The following IDE variants were observed in gnomAD, a reference collection of about 807,000 sequenced individuals.
IDE encodes the protein insulin degrading enzyme, also known as insulin-degrading enzyme.
A neutral mutation model predicts 133.2 loss-of-function variants in IDE; 58 were observed. That is an observed-to-expected ratio of 0.44 (90% confidence interval 0.35 to 0.54). The LOEUF (loss-of-function observed/expected upper bound fraction) is 0.54, where lower values mean the gene tolerates loss of function less well. Ranked by LOEUF, IDE falls within the 20% of genes least tolerant of loss-of-function variation. IDE has a pLI of 0.00. For missense variants in IDE, 981 were observed against 1,234.0 expected (o/e 0.79, Z 3.07); for synonymous variants, 396 against 421.3 (o/e 0.94, Z 0.73).
intron 4 of IDE, among the ~76,000 whole-genome samples, chr10:92,520,624 A>T (rs1233255455): frequency 6.6e-6 from 1 of 152,190 alleles, no homozygotes; most frequent in Non-Finnish European, 1.5e-5. Flanking sequence ...TGCTATAGCA[A>T]TCTTCTAAAA....
intron 1 of IDE, 122 bp downstream of exon 1, chr10:92,573,800 G>A (rs947740436): frequency 5.8e-6 from 4 of 691,056 alleles, no homozygotes; most frequent in Middle Eastern, 3.2e-4. Flanking sequence ...CCAGGCCGGC[G>A]GGACGGGCGG....
intron 5 of IDE, among the ~76,000 whole-genome samples, chr10:92,513,195 T>C (rs1477847085): frequency 6.6e-6 from 1 of 152,222 alleles, no homozygotes; most frequent in East Asian, 1.9e-4. Context: ...GTGTTTTTTG[T>C]TGTCGTTTGT....
intron 1 of IDE, among the ~76,000 whole-genome samples, chr10:92,552,452 AT>A (rs1204593574): frequency 6.6e-6 from 1 of 152,220 alleles, no homozygotes; most frequent in Non-Finnish European, 1.5e-5. Context: ...ACATAGAAAT[AT>A]AAAAACGTGT....
chr10:92,499,321 T>A (rs1162878133), intron 11 of IDE, among the ~76,000 whole-genome samples: 3 of 151,688 alleles, frequency 2.0e-5, no homozygotes, highest in Non-Finnish European at 4.4e-5. Context: ...GTAGCTGGAA[T>A]TACCGTAGAG....
chr10:92,488,994 C>A (rs567923450), intron 12 of IDE, among the ~76,000 whole-genome samples: 4 of 124,982 alleles, frequency 3.2e-5, no homozygotes, highest in African/African-American at 1.2e-4. Context: ...GCCTGGACAA[C>A]AGAGCAAGGC....
At chr10:92,487,968 C>A (rs1847104348) in intron 12 of IDE, among the ~76,000 whole-genome samples, 2 of 151,176 alleles carry the variant, frequency 1.3e-5, no homozygotes, top group South Asian at 4.2e-4. Context: ...GACTAATTTT[C>A]GTATTTTTAG....
At chr10:92,538,298 AGGGTAGATCT>A (rs895023435) in intron 1 of IDE, among the ~76,000 whole-genome samples, 8 of 152,254 alleles carry the variant, frequency 5.3e-5, no homozygotes, top group African/African-American at 1.9e-4. Flanking sequence ...ATTGAAAGAT[AGGGTAGATCT>A]GGAACTCGCA....
At chr10:92,487,927 G>A (rs559655842) in intron 12 of IDE, among the ~76,000 whole-genome samples, 24 of 152,198 alleles carry the variant, frequency 1.6e-4, no homozygotes, top group African/African-American at 5.3e-4. Flanking sequence ...CTCCCAAGTA[G>A]CTGGGACTAC....
intron 13 of IDE, among the ~76,000 whole-genome samples, chr10:92,484,805 C>T (rs985261444): frequency 2.0e-5 from 3 of 151,580 alleles, no homozygotes; most frequent in African/African-American, 7.3e-5. Context: ...TGCCTATAAT[C>T]CCAGAAATTT....
chr10:92,464,802 T>C (rs1362875374), intron 20 of IDE, among the ~76,000 whole-genome samples: 1 of 152,340 alleles, frequency 6.6e-6, no homozygotes, highest in South Asian at 2.1e-4. Flanking sequence ...CCTGAGTAGC[T>C]GGGATTACAG....
At chr10:92,455,531 A>C in intron 24 of IDE, 45 bp downstream of exon 24, 3 of 1,161,974 alleles carry the variant, frequency 2.6e-6, no homozygotes, top group Non-Finnish European at 3.8e-6. Context: ...TTCTAAATAG[A>C]AAGTCCTCTG....
intron 4 of IDE, among the ~76,000 whole-genome samples, chr10:92,525,974 T>G (rs1378549878): frequency 6.6e-6 from 1 of 151,644 alleles, no homozygotes; most frequent in South Asian, 2.1e-4. Context: ...CTGGCCAACA[T>G]GCGAAACTTC....
chr10:92,565,027 C>T (rs1175096291), intron 1 of IDE, among the ~76,000 whole-genome samples: 3 of 151,912 alleles, frequency 2.0e-5, no homozygotes, highest in East Asian at 3.9e-4. Context: ...GGGTTGATCA[C>T]CTGAGGTCAG....
intron 1 of IDE, among the ~76,000 whole-genome samples, chr10:92,555,760 C>A (rs985633673): frequency 6.6e-6 from 1 of 152,066 alleles, no homozygotes; most frequent in Non-Finnish European, 1.5e-5. Context: ...AATGTTTTTA[C>A]CATTAAGATC....
chr10:92,504,151 A>G (rs1848173722), intron 11 of IDE, among the ~76,000 whole-genome samples: 1 of 152,202 alleles, frequency 6.6e-6, no homozygotes, highest in Non-Finnish European at 1.5e-5. Context: ...AACAGAGGAG[A>G]AAAATTAAAA....
At chr10:92,539,188 T>C (rs1248276526) in intron 1 of IDE, among the ~76,000 whole-genome samples, 2 of 151,858 alleles carry the variant, frequency 1.3e-5, no homozygotes, top group Non-Finnish European at 2.9e-5. Flanking sequence ...ATCCCCTAGA[T>C]CTTTTTTTTT....
chr10:92,510,835 C>T (rs189627084), intron 5 of IDE, among the ~76,000 whole-genome samples: 6 of 149,400 alleles, frequency 4.0e-5, no homozygotes, highest in South Asian at 2.1e-4. Context: ...ATAGCACATA[C>T]ATATCACACA....
At chr10:92,563,672 C>T (rs188441262) in intron 1 of IDE, among the ~76,000 whole-genome samples, 233 of 151,862 alleles carry the variant, frequency 1.5e-3, no homozygotes, top group African/African-American at 5.4e-3. Flanking sequence ...ATCGCTTCAA[C>T]CTGGGGCAGG....
rs761473594 is a variant in IDE at position 92,574,042 on chromosome 10, C to T, written c.-23G>A. 2 of 1,498,702 alleles carry T rather than the reference C, an allele frequency of 1.3e-6. No homozygotes were observed. The highest frequency in any genetic ancestry group is 1.8e-6 in the Non-Finnish European group (2 of 1,122,708). 92.8% of individuals were successfully genotyped at this position (1,498,702 alleles called of 1,614,324 possible). On this transcript the variant is annotated 5_prime_UTR_variant, in exon 1 of 25. Transcript: ENST00000265986. ...CATTAGCCAGCGCAGTCGCCGGGAT[C>T]ACCGCAAACGCTTCCTGCTTGCGCT...
Sources: allele counts gnomAD v4.1 joint callset (sites outside exome capture counted in the v4.1 genomes callset), GRCh38; gene constraint gnomAD v4.1.1; transcripts MANE v1.5; gene names NCBI Gene and HGNC (gene_info 2026-07-23, HGNC 2026-07-21).